The following MAPKAPK3 variants were observed in gnomAD, a reference collection of about 807,000 sequenced individuals.
The protein encoded by MAPKAPK3 is MAP kinase-activated protein kinase 3.
Under a neutral mutation model 49.2 loss-of-function variants are expected in MAPKAPK3, and 35 were observed. That is an observed-to-expected ratio of 0.71 (90% CI 0.54 to 0.94). MAPKAPK3 has a LOEUF of 0.94. Among genes scored for constraint, MAPKAPK3 ranks in the 40% least tolerant of loss-of-function variants. The pLI, the probability that MAPKAPK3 is intolerant of heterozygous loss-of-function variation, is 0.00. For missense variants in MAPKAPK3, 398 were observed against 493.1 expected (o/e 0.81, Z 1.83); for synonymous variants, 178 against 188.7 (o/e 0.94, Z 0.46).
At chr3:50,641,605 G>A (rs1225065081) in intron 3 of MAPKAPK3, 102 bp from the exon 4 acceptor site, 18 of 900,804 alleles carry the variant, frequency 2.0e-5, no homozygotes, top group South Asian at 9.5e-5. Context: ...GGGGAGGAGC[G>A]GAGCAGCAGG....
At chr3:50,624,785 G>A (rs1370789798) in intron 2 of MAPKAPK3, among the ~76,000 whole-genome samples, 1 of 152,166 alleles carries the variant, frequency 6.6e-6, no homozygotes, top group African/African-American at 2.4e-5. Context: ...AATGGTGAAG[G>A]CCCATGGGCA....
intron 6 of MAPKAPK3, among the ~76,000 whole-genome samples, chr3:50,645,033 C>A (rs1268508750): frequency 1.3e-5 from 2 of 152,134 alleles, no homozygotes; most frequent in African/African-American, 4.8e-5. Flanking sequence ...TGCAAGTGGG[C>A]AACCCCCGGA....
chr3:50,635,216 A>G (rs147602211), intron 2 of MAPKAPK3, among the ~76,000 whole-genome samples: 8 of 152,190 alleles, frequency 5.3e-5, no homozygotes, highest in African/African-American at 1.7e-4. Flanking sequence ...ACCTATGTGA[A>G]GGAGGCCAAC....
rs955031807 is a variant in MAPKAPK3 at position 50,633,599 on chromosome 3, AG to A, written c.220-6763del. On this transcript the variant is annotated intron_variant, in intron 2 of 10. Coordinates refer to ENST00000621469, the MANE Select transcript of MAPKAPK3 (RefSeq NM_001243925.2). ...CCCCTCCTCTCATCTCCCCTCAGGG[AG>A]GGGTTGTCTGGGTGCTCTCTCAAAA... Among the ~76,000 whole-genome samples, 30 of 152,032 alleles carry A rather than the reference AG, an allele frequency of 2.0e-4. 1 individual carries two copies. Among genetic ancestry groups the A allele is most frequent in the Non-Finnish European group, 5.9e-5 (4 of 67,998 alleles).
At chr3:50,644,781 A>G (rs2033250644) in intron 6 of MAPKAPK3, among the ~76,000 whole-genome samples, 2 of 152,244 alleles carry the variant, frequency 1.3e-5, no homozygotes. Context: ...GAATGACATC[A>G]CAGCAGCTCT....
At chr3:50,628,003 G>A (rs2032804106) in intron 2 of MAPKAPK3, among the ~76,000 whole-genome samples, 1 of 152,156 alleles carries the variant, frequency 6.6e-6, no homozygotes, top group South Asian at 2.1e-4. Flanking sequence ...GAGATAGAAG[G>A]TCAGTGTTGG....
At chr3:50,611,624 C>T (rs1157158333), upstream of MAPKAPK3, 1 of 1,520,368 alleles carries the variant, frequency 6.6e-7, no homozygotes, top group South Asian at 1.2e-5. Flanking sequence ...CAGAGAGCCG[C>T]GCTTACCCCT....
At chr3:50,621,612 A>G (rs1325300420) in intron 2 of MAPKAPK3, among the ~76,000 whole-genome samples, 5 of 149,444 alleles carry the variant, frequency 3.3e-5, no homozygotes, top group Non-Finnish European at 7.4e-5. Flanking sequence ...AAAAAAAAAA[A>G]AAAAAAAAGT....
chr3:50,637,729 G>A (rs1437710307), intron 2 of MAPKAPK3, among the ~76,000 whole-genome samples: 1 of 151,682 alleles, frequency 6.6e-6, no homozygotes, highest in Non-Finnish European at 1.5e-5. Context: ...GAGAGATGGA[G>A]ACAGAGAGAG....
At chr3:50,624,615 G>A (rs1261167940) in intron 2 of MAPKAPK3, among the ~76,000 whole-genome samples, 3 of 152,168 alleles carry the variant, frequency 2.0e-5, no homozygotes, top group Non-Finnish European at 4.4e-5. Flanking sequence ...ACAGAGGTCT[G>A]TTGTATCTCT....
Position 50,645,754 on chromosome 3 carries a change from A to T in MAPKAPK3, c.673A>T (p.Met225Leu). The change falls in exon 7 of 11, where the codon ATG becomes TTG. Residue 225 changes from methionine to leucine, a missense_variant. Around this residue, in one of 5 missense-constraint regions of MAPKAPK3, gnomAD observed 30 missense variants for 70.5 expected, o/e 0.43. Coordinates refer to ENST00000621469, the MANE Select transcript of MAPKAPK3 (RefSeq NM_001243925.2). The stretch of plus-strand genomic sequence containing the variant: ...AGAGAAGTATGACAAGTCATGTGAC[A>T]TGTGGTCCCTGGGTGTCATCATGTA... ...GPEKYDKSCDMWSLGVIMYIL... is the reference protein window; with the variant it reads ...GPEKYDKSCDLWSLGVIMYIL... 1 of 1,614,100 alleles carries T rather than the reference A, an allele frequency of 6.2e-7. No homozygotes were observed. Among genetic ancestry groups the T allele is most frequent in the Non-Finnish European group, 8.5e-7 (1 of 1,179,990 alleles).
chr3:50,635,486 C>T (rs1183236716), intron 2 of MAPKAPK3, among the ~76,000 whole-genome samples: 2 of 127,986 alleles, frequency 1.6e-5, no homozygotes, highest in Non-Finnish European at 3.1e-5. Flanking sequence ...GGCACGATCT[C>T]AGCTCACTGC....
chr3:50,647,414 A>G (rs1289219735), intron 10 of MAPKAPK3, among the ~76,000 whole-genome samples: 8 of 152,172 alleles, frequency 5.3e-5, no homozygotes, highest in Admixed American at 3.9e-4. Context: ...TCACTTCCTC[A>G]ATGAAACGGG....
chr3:50,616,342 C>T (rs2032463405), upstream of MAPKAPK3, among the ~76,000 whole-genome samples: 1 of 152,208 alleles, frequency 6.6e-6, no homozygotes. Flanking sequence ...AGTTGCTTAA[C>T]AGCCGGTGTT....
Position 50,641,768 on chromosome 3 carries a change from A to G in MAPKAPK3, c.421A>G (p.Arg141Gly). Reference protein sequence around the residue: ...QERGDQAFTEREAAEIMRDIG... With the variant: ...QERGDQAFTEGEAAEIMRDIG... The stretch of plus-strand genomic sequence containing the variant: ...GCGTGGCGACCAGGCTTTCACTGAG[A>G]GAGGTATGTGCATGTAGCTGGACCA... The change falls in exon 4 of 11, where the codon AGA becomes GGA. Residue 141 changes from arginine (R) to glycine (G), a missense_variant. Transcript: ENST00000621469. 1.2e-6 allele frequency: 2 copies of G among 1,613,870 alleles called. No homozygotes were observed. The highest frequency in any genetic ancestry group is 1.7e-6 in the Non-Finnish European group (2 of 1,179,776).
At chr3:50,622,812 C>T (rs1053546673) in intron 2 of MAPKAPK3, among the ~76,000 whole-genome samples, 22 of 152,238 alleles carry the variant, frequency 1.4e-4, no homozygotes, top group African/African-American at 4.8e-4. Context: ...GCCATTTCTG[C>T]TCCCTGCCTG....
At chr3:50,624,306 T>C (rs2032682748) in intron 2 of MAPKAPK3, among the ~76,000 whole-genome samples, 4 of 152,168 alleles carry the variant, frequency 2.6e-5, no homozygotes, top group Admixed American at 2.6e-4. Flanking sequence ...TGTATGTGTA[T>C]GTGTGTGTGC....
intron 10 of MAPKAPK3, 129 bp from the exon 11 acceptor site, chr3:50,647,765 G>A: frequency 1.2e-6 from 1 of 861,204 alleles, no homozygotes; most frequent in Non-Finnish European, 1.8e-6. Context: ...CCCAGTGCTG[G>A]GCACACAGTG....
chr3:50,624,278 CGTGTGT>C (rs67821486), intron 2 of MAPKAPK3, among the ~76,000 whole-genome samples: 2,361 of 150,016 alleles, frequency 0.016, 48 homozygotes, highest in African/African-American at 0.053. Flanking sequence ...TGTGCACTCA[CGTGTGT>C]GTGTGTGTGT....
Sources: gnomAD v4.1 joint callset for allele counts (sites outside exome capture counted in the v4.1 genomes callset) on GRCh38, gnomAD v4.1.1 for gene constraint, gnomAD v4.1.1 regional missense constraint, MANE v1.5 for transcripts, NCBI Gene and HGNC (gene_info 2026-07-23, HGNC 2026-07-21) for gene names.